Variants in PHGDH observed in about 807,000 individuals in gnomAD.
The protein encoded by PHGDH is D-3-phosphoglycerate dehydrogenase.
A neutral mutation model predicts 52.6 loss-of-function variants in PHGDH; 50 were observed. The ratio of observed to expected loss-of-function variants is 0.95; its 90% CI spans 0.76 to 1.20. The LOEUF (loss-of-function observed/expected upper bound fraction) is 1.20, where lower values mean the gene tolerates loss of function less well. Among genes scored for constraint, PHGDH ranks in the 50% most tolerant of loss-of-function variants. PHGDH has a pLI of 0.00. For synonymous variants in PHGDH, 271 were observed against 280.5 expected (o/e 0.97, Z 0.34); for missense variants, 630 against 684.6 (o/e 0.92, Z 0.89).
At position 119,727,025 on chromosome 1, in the gene PHGDH, G is replaced by A; in HGVS notation, c.433G>A (p.Gly145Arg). 1 of 1,613,704 alleles carries A rather than the reference G, an allele frequency of 6.2e-7. No individual in the cohort carries two copies. Among genetic ancestry groups the A allele is most frequent in the Non-Finnish European group, 8.5e-7 (1 of 1,179,562 alleles). The part of the protein sequence containing the change: ...RKKFMGTELN[G>R]KTLGILGLGR... ...GCAGTTCATGGGAACAGAGCTGAATGGAAAGACCCTGGGAATTCTTGGCCT... is the reference window on the plus strand; with the variant it reads ...GCAGTTCATGGGAACAGAGCTGAATAGAAAGACCCTGGGAATTCTTGGCCT... Residue 145 changes from glycine (G) to arginine (R), a missense_variant, in exon 5 of 12, where the codon GGA becomes AGA. Gly to Arg is a moderately radical substitution (Grantham distance 125, BLOSUM62 -2). Coordinates refer to ENST00000641023, the MANE Select transcript of PHGDH (RefSeq NM_006623.4).
Position 119,737,233 on chromosome 1 carries a change from G to T in PHGDH, c.912G>T (p.Val304=). 1 of 1,614,166 alleles carries T rather than the reference G, an allele frequency of 6.2e-7. No individual in the cohort carries two copies. The highest frequency in any genetic ancestry group is 1.1e-5 in the South Asian group (1 of 91,076). The change falls in exon 8 of 12, where the codon GTG becomes GTT. Residue 304 remains valine, a synonymous_variant. Transcript: ENST00000641023. Reference sequence around the variant, plus strand: ...GGGAGGAAATTGCTGTTCAGTTCGTGGACATGGTGAAGGGGAAATCTCTCA... The same window carrying T: ...GGGAGGAAATTGCTGTTCAGTTCGTTGACATGGTGAAGGGGAAATCTCTCA... The part of the protein sequence containing the change: ...RCGEEIAVQF[V]DMVKGKSLTG...
At chr1:119,714,117 A>C (rs1258543217) in intron 1 of PHGDH, among the ~76,000 whole-genome samples, 1 of 152,164 alleles carries the variant, frequency 6.6e-6, no homozygotes, top group Non-Finnish European at 1.5e-5. Flanking sequence ...TTTGGTTCAG[A>C]ATGCCAATTA....
chr1:119,744,041 C>G lies in PHGDH; in HGVS notation c.*1C>G. The G allele has an allele frequency of 6.2e-7, 1 of 1,613,966 alleles. No individual in the cohort carries two copies. Among genetic ancestry groups the G allele is most frequent in the Non-Finnish European group, 8.5e-7 (1 of 1,179,812 alleles). On this transcript the variant is annotated 3_prime_UTR_variant, in exon 12 of 12. Coordinates refer to ENST00000641023, the MANE Select transcript of PHGDH (RefSeq NM_006623.4). The stretch of plus-strand genomic sequence containing the variant: ...TGAAGCCTTCCAGTTCCACTTCTAA[C>G]CTTGGAGCTCACTGGTCCCTGCCTC...
intron 3 of PHGDH, chr1:119,724,313 A>C: frequency 5.4e-6 from 1 of 184,534 alleles, no homozygotes; most frequent in Non-Finnish European, 1.1e-5. Context: ...TTGTTTCTCT[A>C]CTCAGGCCTG....
chr1:119,713,014 A>G (rs1003353243), intron 1 of PHGDH: 1 of 152,258 alleles, frequency 6.6e-6, no homozygotes, highest in African/African-American at 2.4e-5. Flanking sequence ...TTGTTGTGAT[A>G]TATAATTAAT....
chr1:119,717,232 CAAAAAAA>C (rs58549149), intron 1 of PHGDH, among the ~76,000 whole-genome samples: 1,179 of 37,298 alleles, frequency 0.032, 21 homozygotes, highest in South Asian at 0.047. Flanking sequence ...AACTCTGTCT[CAAAAAAA>C]AAAAAAAAAA....
At chr1:119,726,774 C>T in intron 3 of PHGDH, 77 bp from the exon 4 acceptor site, 1 of 1,211,532 alleles carries the variant, frequency 8.3e-7, no homozygotes, top group Non-Finnish European at 1.2e-6. Flanking sequence ...AGTGACTGTG[C>T]AAACCTGATG....
At chr1:119,713,954 A>G (rs1650810876) in intron 1 of PHGDH, among the ~76,000 whole-genome samples, 1 of 152,138 alleles carries the variant, frequency 6.6e-6, no homozygotes, top group Non-Finnish European at 1.5e-5. Flanking sequence ...AGCTGGGTGG[A>G]TGCTGGGAGT....
chr1:119,742,373 C>G, intron 10 of PHGDH: 1 of 365,084 alleles, frequency 2.7e-6, no homozygotes, highest in South Asian at 2.5e-5. Flanking sequence ...TGTTGCTCAG[C>G]CAGTGGGAGC....
intron 7 of PHGDH, among the ~76,000 whole-genome samples, chr1:119,735,823 C>T (rs750020420): frequency 6.6e-6 from 1 of 152,204 alleles, no homozygotes; most frequent in Non-Finnish European, 1.5e-5. Flanking sequence ...AATGCAGTCC[C>T]ATTGCCAAGA....
chr1:119,741,575 C>T (rs1016978790), intron 9 of PHGDH, among the ~76,000 whole-genome samples, 192 bp from the exon 10 acceptor site: 1 of 152,144 alleles, frequency 6.6e-6, no homozygotes, highest in African/African-American at 2.4e-5. Context: ...TCCTGGGTTT[C>T]CTGGCTTGGG....
Position 119,724,433 on chromosome 1 carries a change from T to G in PHGDH, c.356+992T>G, listed in dbSNP as rs1651307239. Reference sequence around the variant, plus strand: ...TCTGCTCTAACTCCTCCCTGCAGTTTCCATCTGAGCTCTCTGGTATTCACT... The same window carrying G: ...TCTGCTCTAACTCCTCCCTGCAGTTGCCATCTGAGCTCTCTGGTATTCACT... On this transcript the variant is annotated intron_variant, in intron 3 of 11. Transcript: ENST00000641023. 4 of 272,468 alleles carry G rather than the reference T, an allele frequency of 1.5e-5. No homozygotes were observed. The Admixed American group carries it at 2.0e-4, about 14-fold the overall frequency. 16.9% of individuals were successfully genotyped at this position (272,468 alleles called of 1,614,324 possible). A position where few individuals can be genotyped will look rare whatever the true frequency, so the allele number is the denominator to read the frequency against.
intron 1 of PHGDH, among the ~76,000 whole-genome samples, chr1:119,714,743 C>A (rs1438865960): frequency 2.0e-5 from 3 of 152,202 alleles, no homozygotes; most frequent in African/African-American, 7.2e-5. Flanking sequence ...TTGCACAAGC[C>A]TGTAGTCTCA....
chr1:119,726,058 A>G (rs765030216), intron 3 of PHGDH, among the ~76,000 whole-genome samples: 3 of 152,114 alleles, frequency 2.0e-5, no homozygotes, highest in Non-Finnish European at 2.9e-5. Context: ...TGCCCACAGG[A>G]CATATATCGC....
chr1:119,733,442 G>A (rs923573226), intron 5 of PHGDH, among the ~76,000 whole-genome samples: 2 of 150,096 alleles, frequency 1.3e-5, no homozygotes, highest in Non-Finnish European at 3.0e-5. Flanking sequence ...CTAGGCCCAA[G>A]TGATCCTCCT....
intron 5 of PHGDH, among the ~76,000 whole-genome samples, chr1:119,728,747 C>T (rs1651563909): frequency 6.6e-6 from 1 of 152,176 alleles, no homozygotes; most frequent in Non-Finnish European, 1.5e-5. Context: ...TGGGACATCT[C>T]TCTGTTCACT....
At chr1:119,714,480 A>G (rs969488190) in intron 1 of PHGDH, 3 of 152,260 alleles carry the variant, frequency 2.0e-5, no homozygotes, top group Admixed American at 2.0e-4. Flanking sequence ...GCAGATAGAT[A>G]GTAAGGTTGT....
chr1:119,716,513 G>T (rs1298320602), intron 1 of PHGDH, among the ~76,000 whole-genome samples: 2 of 152,136 alleles, frequency 1.3e-5, no homozygotes, highest in Non-Finnish European at 2.9e-5. Flanking sequence ...GAGCATTTTG[G>T]CAGCTTTGGA....
intron 9 of PHGDH, 94 bp from the exon 10 acceptor site, chr1:119,741,673 G>A: frequency 1.7e-6 from 2 of 1,163,434 alleles, no homozygotes; most frequent in East Asian, 2.3e-5. Flanking sequence ...GCAGCGAGGA[G>A]CCCATAGTCC....
Sources: gnomAD v4.1 joint callset for allele counts (sites outside exome capture counted in the v4.1 genomes callset) on GRCh38, gnomAD v4.1.1 for gene constraint, MANE v1.5 for transcripts, NCBI Gene and HGNC (gene_info 2026-07-23, HGNC 2026-07-21) for gene names.